Variants in NPHP4 observed in about 807,000 individuals in gnomAD.
The protein encoded by NPHP4 is nephrocystin 4.
In NPHP4, 151 loss-of-function variants were observed where a neutral mutation model predicts 155.8. The ratio of observed to expected loss-of-function variants is 0.97; its 90% CI spans 0.85 to 1.11. The LOEUF is 1.11. Ranked by LOEUF, NPHP4 falls within the 50% of genes least tolerant of loss-of-function variation. The pLI is 0.00. For synonymous variants in NPHP4, 845 were observed against 816.8 expected, an observed-to-expected ratio of 1.03 and a Z score of -0.59; for missense variants, 1,956 against 1,925.7, an observed-to-expected ratio of 1.02 and a Z score of -0.29.
chr1:5,967,501 G>A lies in NPHP4; in HGVS notation c.453-138C>T, dbSNP rs551942252. 12 of 682,222 alleles carry A rather than the reference G, an allele frequency of 1.8e-5. No homozygotes were observed. The African/African-American group carries it at 1.9e-4, about 11-fold the overall frequency. The allele number at this position is 682,222 out of a possible 1,614,324, so 42.3% of individuals were successfully genotyped here. A position where few individuals can be genotyped will look rare whatever the true frequency, so the allele number is the denominator to read the frequency against. On this transcript the variant is annotated intron_variant, in intron 4 of 29. Coordinates refer to ENST00000378156, the MANE Select transcript of NPHP4 (RefSeq NM_015102.5). ...AGTCCCATCCTCTGCGGAAGGCAGA[G>A]GCAGCTGAGGCCAGCAGCAGCTCCC...
intron 23 of NPHP4, among the ~76,000 whole-genome samples, chr1:5,869,339 C>T (rs1252833359): frequency 6.6e-6 from 1 of 151,174 alleles, no homozygotes; most frequent in Non-Finnish European, 1.5e-5. Context: ...ACACCACCCA[C>T]ACATGCACGC....
At chr1:5,976,958 G>A (rs1044869076) in intron 3 of NPHP4, among the ~76,000 whole-genome samples, 3 of 152,112 alleles carry the variant, frequency 2.0e-5, no homozygotes, top group South Asian at 2.1e-4. Flanking sequence ...CACTGTCACC[G>A]CCACTGTTAC....
In NPHP4 at chr1:5,945,709, G is replaced by A. The variant is rs113599060; in HGVS notation, c.1119+1395C>T. The stretch of plus-strand genomic sequence containing the variant: ...TCGCGATGGCAGGCCAGATCGCCAT[G>A]GAAGATGTCTTGTCAACCGTTTTTT... On this transcript the variant is annotated intron_variant, in intron 9 of 29. Transcript: ENST00000378156. 3.1e-3 allele frequency among the ~76,000 whole-genome samples: 473 copies of A among 152,324 alleles called. 2 individuals are homozygous for A. The highest frequency in any genetic ancestry group is 0.011 in the African/African-American group (446 of 41,570).
chr1:5,974,050 T>C (rs1436283145), intron 3 of NPHP4, among the ~76,000 whole-genome samples: 2 of 152,244 alleles, frequency 1.3e-5, no homozygotes, highest in Non-Finnish European at 2.9e-5. Context: ...GGCCCAAGAA[T>C]CCAGGCCCTG....
chr1:5,904,493 G>A (rs1644819337), intron 16 of NPHP4, 124 bp downstream of exon 16: 27 of 720,946 alleles, frequency 3.7e-5, no homozygotes, highest in Non-Finnish European at 4.6e-5. Context: ...ACTGGTCACC[G>A]TATGATTCTA....
chr1:5,934,082 A>C (rs1241479738), intron 9 of NPHP4, among the ~76,000 whole-genome samples: 2 of 152,210 alleles, frequency 1.3e-5, no homozygotes, highest in African/African-American at 4.8e-5. Context: ...ACTTAAAAAG[A>C]AGTAGGACTA....
At chr1:5,880,355 C>G (rs778498154) in intron 18 of NPHP4, 116 bp from the exon 19 acceptor site, 9 of 986,246 alleles carry the variant, frequency 9.1e-6, no homozygotes, top group Middle Eastern at 2.1e-4. Flanking sequence ...CACCCTGACA[C>G]GCTAAGGCCC....
intron 26 of NPHP4, chr1:5,866,144 G>A (rs962162328): frequency 7.1e-6 from 4 of 567,328 alleles, no homozygotes; most frequent in Non-Finnish European, 1.3e-5. Flanking sequence ...CTTGGTGGCA[G>A]GAGCTGCATC....
At chr1:5,896,078 A>T (rs1644383203) in intron 16 of NPHP4, among the ~76,000 whole-genome samples, 1 of 152,248 alleles carries the variant, frequency 6.6e-6, no homozygotes, top group Non-Finnish European at 1.5e-5. Flanking sequence ...GAAAACAGGG[A>T]AAATAAAATG....
rs191898400 is a variant in NPHP4 at position 5,954,230 on chromosome 1, A to G, written c.674-1394T>C. Among the ~76,000 whole-genome samples, 653 of 152,378 alleles carry G rather than the reference A, an allele frequency of 4.3e-3. 7 individuals carry two copies. Among genetic ancestry groups the G allele is most frequent in the African/African-American group, 0.015 (605 of 41,586 alleles). On this transcript the variant is annotated intron_variant, in intron 6 of 29. Coordinates refer to ENST00000378156, the MANE Select transcript of NPHP4 (RefSeq NM_015102.5). ...AAAAATCGAAGCAACCAAATGTTCA[A>G]TAGGGGAATGTTCACTAAACTATTA...
intron 7 of NPHP4, among the ~76,000 whole-genome samples, chr1:5,949,343 T>TACACACACACACACACACACAC (rs140032819): frequency 0.03 from 4,252 of 140,750 alleles, 99 homozygotes; most frequent in Non-Finnish European, 0.035. Flanking sequence ...TTCACATACA[T>TACACACACACACACACACACAC]ACACACACAC....
At chr1:5,969,391 T>C (rs1349081931) in intron 3 of NPHP4, 132 bp from the exon 4 acceptor site, 1 of 507,068 alleles carries the variant, frequency 2.0e-6, no homozygotes, top group Admixed American at 3.3e-5. Context: ...CATGCCCTCA[T>C]GTGGTGTACC....
At chr1:5,986,095 T>C in intron 2 of NPHP4, 60 bp downstream of exon 2, 2 of 1,593,010 alleles carry the variant, frequency 1.3e-6, no homozygotes, top group Non-Finnish European at 8.6e-7. Flanking sequence ...ATCTGTTAAC[T>C]GGAAGCCTCA....
Position 5,987,923 on chromosome 1 carries a change from G to A in NPHP4, c.-38-1596C>T, listed in dbSNP as rs1570774006. On this transcript the variant is annotated intron_variant, in intron 1 of 29. Coordinates refer to ENST00000378156, the MANE Select transcript of NPHP4 (RefSeq NM_015102.5). ...GTTTCCAAGCAAAAATGAGAATTAA[G>A]AACATTTGTATCCTCTACCATGAGC... 2.6e-5 allele frequency among the ~76,000 whole-genome samples: 4 copies of A among 152,282 alleles called. 1 individual carries two copies. Among genetic ancestry groups the A allele is most frequent in the Admixed American group, 2.6e-4 (4 of 15,300 alleles).
chr1:5,865,178 CG>C lies in NPHP4; in HGVS notation c.3739del (p.Arg1247AlafsTer12). 1 of 1,612,970 alleles carries C rather than the reference CG, an allele frequency of 6.2e-7. No homozygotes were observed. The highest frequency in any genetic ancestry group is 8.5e-7 in the Non-Finnish European group (1 of 1,179,536). On this transcript the variant is annotated frameshift_variant, in exon 27 of 30. Coordinates refer to ENST00000378156, the MANE Select transcript of NPHP4 (RefSeq NM_015102.5). LOFTEE classifies it high-confidence loss of function. Reference sequence around the variant, plus strand: ...TGTCCCCCGAAGGACAAGGGACAGGCGGGTCAGCTGGCCTGCGACGCAGGAG... The same window carrying C: ...TGTCCCCCGAAGGACAAGGGACAGGCGGTCAGCTGGCCTGCGACGCAGGAG... ...DVSCVAGQLT[R>X]LSLVLRGTQT...
intron 3 of NPHP4, among the ~76,000 whole-genome samples, chr1:5,976,406 G>C (rs72859153): frequency 0.021 from 3,189 of 152,276 alleles, 94 homozygotes; most frequent in African/African-American, 0.07. Context: ...ACAACACCAG[G>C]TTTCGGGGGG....
chr1:5,915,562 G>A lies in NPHP4; in HGVS notation c.1442-6349C>T, dbSNP rs545811267. On this transcript the variant is annotated intron_variant, in intron 11 of 29. Coordinates refer to ENST00000378156, the MANE Select transcript of NPHP4 (RefSeq NM_015102.5). ...ATCAAGGGGCAACTGGATGATGAGT[G>A]AGCACAGGACTCTGTGCTGCAGGAG... Among the ~76,000 whole-genome samples the A allele has an allele frequency of 8.1e-4, 124 of 152,242 alleles. 2 individuals carry two copies. The highest frequency in any genetic ancestry group is 2.5e-3 in the African/African-American group (105 of 41,508).
chr1:5,946,874 G>A (rs1647127753), intron 9 of NPHP4, among the ~76,000 whole-genome samples: 1 of 152,270 alleles, frequency 6.6e-6, no homozygotes, highest in African/African-American at 2.4e-5. Flanking sequence ...GTGCCCAGGA[G>A]GGCATGGGAG....
chr1:5,875,416 T>C (rs1413438632), intron 20 of NPHP4, among the ~76,000 whole-genome samples: 1 of 152,112 alleles, frequency 6.6e-6, no homozygotes, highest in Admixed American at 6.5e-5. Flanking sequence ...AATCAGAAGT[T>C]TCAAACAAGA....
Sources: allele counts gnomAD v4.1 joint callset (sites outside exome capture counted in the v4.1 genomes callset), GRCh38; gene constraint gnomAD v4.1.1; transcripts MANE v1.5; gene names NCBI Gene and HGNC (gene_info 2026-07-23, HGNC 2026-07-21).